The following ARHGEF11 variants were observed in gnomAD, a reference collection of about 807,000 sequenced individuals.
ARHGEF11 encodes Rho guanine exchange factor (GEF) 11.
ARHGEF11 carries 55 observed loss-of-function variants against 193.7 expected under a neutral mutation model. The ratio of observed to expected loss-of-function variants is 0.28; its 90% CI spans 0.23 to 0.36. The LOEUF (loss-of-function observed/expected upper bound fraction) is 0.36, where lower values mean the gene tolerates loss of function less well. Ranked by LOEUF, ARHGEF11 falls within the 10% of genes least tolerant of loss-of-function variation. ARHGEF11 has a pLI of 1.00. For synonymous variants in ARHGEF11, 693 were observed against 768.0 expected (o/e 0.90, Z 1.62); for missense variants, 1,723 against 2,005.6 (o/e 0.86, Z 2.69).
chr1:156,944,371 C>T lies in ARHGEF11; in HGVS notation c.3054G>A (p.Lys1018=). The T allele has an allele frequency of 6.2e-7, 1 of 1,614,158 alleles. No individual in the cohort carries two copies. The highest frequency in any genetic ancestry group is 8.5e-7 in the Non-Finnish European group (1 of 1,180,028). The change falls in exon 31 of 41, where the codon AAG becomes AAA. Residue 1018 remains lysine (K), a synonymous_variant. Coordinates refer to ENST00000368194, the MANE Select transcript of ARHGEF11 (RefSeq NM_198236.3). ...CCTGGCACATACCCAAGGTCTTATC[C>T]TTGCTGATCCTCCAGGTCAGGGGTC... The part of the protein sequence containing the change: ...HEGPLTWRIS[K]DKTLDLHVLL...
chr1:157,022,977 C>T (rs1445266836), intron 1 of ARHGEF11, among the ~76,000 whole-genome samples: 1 of 152,156 alleles, frequency 6.6e-6, no homozygotes, highest in Non-Finnish European at 1.5e-5. Context: ...TGGACCCCTA[C>T]CTCATACCAT....
chr1:156,980,511 A>G, intron 3 of ARHGEF11, 25 bp from the exon 4 acceptor site: 1 of 1,577,484 alleles, frequency 6.3e-7, no homozygotes, highest in Non-Finnish European at 8.6e-7. Flanking sequence ...CCTGGTCAGC[A>G]GTGCCCAACA....
At chr1:156,980,003 C>T (rs1663890820) in intron 4 of ARHGEF11, among the ~76,000 whole-genome samples, 1 of 152,192 alleles carries the variant, frequency 6.6e-6, no homozygotes, top group African/African-American at 2.4e-5. Context: ...TAGTCTTGAA[C>T]ACCATTCTGT....
chr1:156,936,480 G>GAAAAAAA (rs35863393), intron 40 of ARHGEF11, among the ~76,000 whole-genome samples: 102 of 48,000 alleles, frequency 2.1e-3, no homozygotes, highest in African/African-American at 9.1e-3. Context: ...CAAATAAATA[G>GAAAAAAA]AAAAAAAAAA....
chr1:156,960,161 C>G (rs1270894032), intron 15 of ARHGEF11, among the ~76,000 whole-genome samples: 1 of 152,120 alleles, frequency 6.6e-6, no homozygotes, highest in Admixed American at 6.5e-5. Flanking sequence ...CCCAGGTCTC[C>G]TAACTCCAAG....
At chr1:156,956,855 G>A (rs1045910416) in intron 18 of ARHGEF11, among the ~76,000 whole-genome samples, 1 of 152,178 alleles carries the variant, frequency 6.6e-6, no homozygotes, top group Admixed American at 6.5e-5. Context: ...ATGATGGTCA[G>A]TGGAAGAACA....
At chr1:157,019,491 C>T (rs1309933060) in intron 1 of ARHGEF11, among the ~76,000 whole-genome samples, 3 of 152,162 alleles carry the variant, frequency 2.0e-5, no homozygotes, top group African/African-American at 7.2e-5. Context: ...TTTCTTATGA[C>T]ATTAAACACA....
chr1:156,936,497 A>AAAAAAATATATAT (rs370282821), intron 40 of ARHGEF11, among the ~76,000 whole-genome samples: 1 of 33,936 alleles, frequency 2.9e-5, no homozygotes, highest in East Asian at 2.2e-3. Context: ...AAAAAAAAAA[A>AAAAAAATATATAT]ATATATATAT....
rs915598482 is a variant in ARHGEF11, at chr1:157,044,546, C to G, written c.-216G>C. On this transcript the variant is annotated 5_prime_UTR_variant, in exon 1 of 41. Transcript: ENST00000368194. ...TTTCTCAGCCCCTCTTCCCCTCCCCCGCTTTAAAAAAAAAGAAAAGAAAAG... is the reference window on the plus strand; with the variant it reads ...TTTCTCAGCCCCTCTTCCCCTCCCCGGCTTTAAAAAAAAAGAAAAGAAAAG... 8 of 424,912 alleles carry G rather than the reference C, an allele frequency of 1.9e-5. No homozygotes were observed. The highest frequency in any genetic ancestry group is 8.2e-5 in the African/African-American group (4 of 48,646). The allele number at this position is 424,912 out of a possible 1,614,324, so 26.3% of individuals were successfully genotyped here.
chr1:156,957,936 G>A (rs1660209387), intron 17 of ARHGEF11, 121 bp from the exon 18 acceptor site: 1 of 873,980 alleles, frequency 1.1e-6, no homozygotes, highest in East Asian at 2.4e-5. Flanking sequence ...GGGAAAAGGA[G>A]AGAAGTACGT....
At chr1:156,990,497 C>T (rs6675407) in intron 1 of ARHGEF11, among the ~76,000 whole-genome samples, 31,460 of 152,076 alleles carry the variant, frequency 0.21, 3,518 homozygotes, top group East Asian at 0.44. Context: ...GTTTTACTAT[C>T]CATAGATGAT....
At chr1:156,988,351 C>T (rs1298138017) in intron 1 of ARHGEF11, among the ~76,000 whole-genome samples, 1 of 152,178 alleles carries the variant, frequency 6.6e-6, no homozygotes, top group Non-Finnish European at 1.5e-5. Flanking sequence ...TTTCTGGCTT[C>T]TGTCTCTGCC....
At chr1:157,045,831 C>T (rs939409632), upstream of ARHGEF11, among the ~76,000 whole-genome samples, 1 of 151,142 alleles carries the variant, frequency 6.6e-6, no homozygotes, top group East Asian at 1.9e-4. Flanking sequence ...CGGCCGCCCC[C>T]CTTCCCTCCC....
intron 37 of ARHGEF11, chr1:156,938,808 G>C: frequency 2.4e-6 from 1 of 411,582 alleles, no homozygotes. Flanking sequence ...TGGAATCCCA[G>C]GGGAGGGCAG....
chr1:156,966,582 T>C (rs149667460), intron 11 of ARHGEF11, among the ~76,000 whole-genome samples: 119 of 152,342 alleles, frequency 7.8e-4, no homozygotes, highest in Non-Finnish European at 1.3e-3. Flanking sequence ...AGTGGAACTA[T>C]AAGGATTTTA....
At position 156,971,679 on chromosome 1, in the gene ARHGEF11, T is replaced by A; in HGVS notation, c.702+18A>T. On this transcript the variant is annotated intron_variant, in intron 8 of 40. Coordinates refer to ENST00000368194, the MANE Select transcript of ARHGEF11 (RefSeq NM_198236.3). ...CTACTGCATGTGCCCTTACTAGAGC[T>A]GTGCCTACATCACTCACCACTGAGC... is the stretch of plus-strand genomic sequence containing the variant. 1 of 1,611,932 alleles carries A rather than the reference T, an allele frequency of 6.2e-7. No homozygotes were observed. Among genetic ancestry groups the A allele is most frequent in the Non-Finnish European group, 8.5e-7 (1 of 1,178,662 alleles).
At position 156,957,854 on chromosome 1, in the gene ARHGEF11, GAC is replaced by G. The variant is rs773368506; in HGVS notation, c.1503-41_1503-40del. On this transcript the variant is annotated intron_variant, in intron 17 of 40. Transcript: ENST00000368194. The stretch of plus-strand genomic sequence containing the variant: ...AAGAACAGATGACTCAGACTGCAAA[GAC>G]AGAGGCTGGTCACCTGGTTAGAGGC... The G allele has an allele frequency of 2.5e-6, 4 of 1,611,678 alleles. No individual in the cohort carries two copies. The Admixed American group carries it at 6.7e-5, about 27-fold the overall frequency.
chr1:156,996,135 C>T (rs1312470775), intron 1 of ARHGEF11, among the ~76,000 whole-genome samples: 6 of 152,128 alleles, frequency 3.9e-5, no homozygotes, highest in African/African-American at 7.2e-5. Context: ...AGGGTGTTAG[C>T]CTCTCTATGG....
chr1:156,950,267 G>T (rs1053655377), intron 22 of ARHGEF11, among the ~76,000 whole-genome samples: 1 of 152,096 alleles, frequency 6.6e-6, no homozygotes, highest in East Asian at 1.9e-4. Context: ...CTGAAAAAAG[G>T]CTTCATATAA....
Sources: allele counts gnomAD v4.1 joint callset (sites outside exome capture counted in the v4.1 genomes callset), GRCh38; gene constraint gnomAD v4.1.1; transcripts MANE v1.5; gene names NCBI Gene and HGNC (gene_info 2026-07-23, HGNC 2026-07-21).